Variants in RBMS3 observed in about 807,000 individuals in gnomAD.
RBMS3 encodes the protein RNA-binding motif, single-stranded-interacting protein 3.
RBMS3 carries 27 observed loss-of-function variants against 66.8 expected under a neutral mutation model. That is an observed-to-expected ratio of 0.40 (90% CI 0.30 to 0.56). The LOEUF (loss-of-function observed/expected upper bound fraction) is 0.56. Among genes scored for constraint, RBMS3 ranks in the 20% least tolerant of loss-of-function variants. RBMS3 has a pLI of 0.40. For missense variants in RBMS3, 513 were observed against 549.5 expected, an observed-to-expected ratio of 0.93 and a Z score of 0.66; for synonymous variants, 188 against 183.0, an observed-to-expected ratio of 1.03 and a Z score of -0.22.
intron 6 of RBMS3, 77 bp downstream of exon 6, chr3:29,763,066 C>A: frequency 9.7e-7 from 1 of 1,026,052 alleles, no homozygotes; most frequent in Non-Finnish European, 1.5e-6. Context: ...CATTGTAAAG[C>A]CCTTGTTGAT....
At chr3:29,907,318 A>G (rs998758227) in intron 10 of RBMS3, among the ~76,000 whole-genome samples, 4 of 152,034 alleles carry the variant, frequency 2.6e-5, no homozygotes, top group Admixed American at 2.6e-4. Flanking sequence ...AAATAATATA[A>G]TTTTCCACCT....
At chr3:29,385,819 C>T (rs1416195456) in intron 1 of RBMS3, among the ~76,000 whole-genome samples, 2 of 152,224 alleles carry the variant, frequency 1.3e-5, no homozygotes, top group African/African-American at 2.4e-5. Flanking sequence ...ATTCCTATCT[C>T]AGGCATCTTA....
chr3:29,513,609 T>G (rs1187998322), intron 3 of RBMS3, among the ~76,000 whole-genome samples: 2 of 152,204 alleles, frequency 1.3e-5, no homozygotes, highest in African/African-American at 4.8e-5. Context: ...ATTCATTAAT[T>G]ACCCTGCCAG....
intron 1 of RBMS3, among the ~76,000 whole-genome samples, chr3:29,329,710 C>T (rs937952840): frequency 6.6e-6 from 1 of 151,508 alleles, no homozygotes; most frequent in Non-Finnish European, 1.5e-5. Context: ...CATATTTAAG[C>T]ACAGTTCTAG....
At chr3:29,417,211 T>C (rs2040515070) in intron 1 of RBMS3, among the ~76,000 whole-genome samples, 1 of 152,088 alleles carries the variant, frequency 6.6e-6, no homozygotes, top group South Asian at 2.1e-4. Context: ...TGTTGAAATT[T>C]CGTTTTTATT....
chr3:29,900,670 T>G lies in RBMS3; in HGVS notation c.939+915T>G, dbSNP rs78288020. ...CTGGGTATGCTCTCTGTGCATTTGT[T>G]TCCTTTTCTGACACTATATACTTAA... On this transcript the variant is annotated intron_variant, in intron 10 of 14. Coordinates refer to ENST00000383767, the MANE Select transcript of RBMS3 (RefSeq NM_001003793.3). Among the ~76,000 whole-genome samples, 1,343 of 151,848 alleles carry G rather than the reference T, an allele frequency of 8.8e-3. 55 individuals are homozygous for G. The highest frequency in any genetic ancestry group is 0.07 in the Admixed American group (1,056 of 15,186).
At chr3:29,677,524 TA>T (rs1378477790) in intron 4 of RBMS3, among the ~76,000 whole-genome samples, 1 of 152,192 alleles carries the variant, frequency 6.6e-6, no homozygotes, top group African/African-American at 2.4e-5. Context: ...TGTTTGGTGT[TA>T]TTTTTTTGAA....
Position 29,946,385 on chromosome 3 carries a change from G to A in RBMS3, c.1098+2131G>A, listed in dbSNP as rs553582225. ...TAAATTGTTTTAATTGATTGTAGTC[G>A]AGATATCTGCTTGACAATTTACAGA... On this transcript the variant is annotated intron_variant, in intron 12 of 14. Transcript: ENST00000383767. Among the ~76,000 whole-genome samples the A allele has an allele frequency of 1.5e-4, 22 of 151,630 alleles. No homozygotes were observed. In the South Asian group the frequency reaches 3.3e-3, roughly 23 times the overall value.
intron 2 of RBMS3, among the ~76,000 whole-genome samples, chr3:29,449,474 A>G (rs1251187416): frequency 6.6e-6 from 1 of 152,240 alleles, no homozygotes; most frequent in African/African-American, 2.4e-5. Flanking sequence ...AAATCTTTCT[A>G]TCACTTACTG....
chr3:29,537,372 T>C (rs2045599564), intron 3 of RBMS3, among the ~76,000 whole-genome samples: 1 of 152,150 alleles, frequency 6.6e-6, no homozygotes, highest in African/African-American at 2.4e-5. Context: ...TCACATCTGC[T>C]CCCTCGTGGC....
chr3:29,391,608 C>A (rs12488536), intron 1 of RBMS3, among the ~76,000 whole-genome samples: 29,817 of 151,944 alleles, frequency 0.2, 3,774 homozygotes, highest in East Asian at 0.56. Flanking sequence ...GTATTCCTAG[C>A]ATGCTATTTA....
intron 3 of RBMS3, among the ~76,000 whole-genome samples, chr3:29,553,037 A>G (rs887008958): frequency 3.3e-5 from 5 of 152,130 alleles, no homozygotes; most frequent in Non-Finnish European, 7.4e-5. Flanking sequence ...AGTGAATAGT[A>G]TCAGCCTCAT....
intron 6 of RBMS3, among the ~76,000 whole-genome samples, chr3:29,803,621 G>A (rs2057455439): frequency 6.6e-6 from 1 of 151,828 alleles, no homozygotes; most frequent in Non-Finnish European, 1.5e-5. Context: ...TTTTATATAT[G>A]TGTAATATAA....
chr3:29,719,826 A>G (rs1353557098), intron 4 of RBMS3, among the ~76,000 whole-genome samples: 2 of 152,088 alleles, frequency 1.3e-5, no homozygotes, highest in African/African-American at 4.8e-5. Context: ...CTTTATAACT[A>G]TCTTCACTAA....
intron 4 of RBMS3, among the ~76,000 whole-genome samples, chr3:29,681,177 A>G (rs1341090352): frequency 6.6e-6 from 1 of 152,224 alleles, no homozygotes. Context: ...TATATCCTGC[A>G]CTTACTGAAT....
intron 1 of RBMS3, among the ~76,000 whole-genome samples, chr3:29,338,042 T>C (rs73058229): frequency 0.091 from 13,893 of 152,198 alleles, 774 homozygotes; most frequent in Non-Finnish European, 0.12. Context: ...GGCTCAACAG[T>C]ATCAAGTGAC....
chr3:29,748,073 C>A (rs985254342), intron 5 of RBMS3, among the ~76,000 whole-genome samples: 1 of 151,992 alleles, frequency 6.6e-6, no homozygotes, highest in Admixed American at 6.6e-5. Context: ...GAGTATGGGG[C>A]AATAGGAAGC....
At chr3:29,327,857 C>A (rs1286559855) in intron 1 of RBMS3, among the ~76,000 whole-genome samples, 1 of 152,142 alleles carries the variant, frequency 6.6e-6, no homozygotes, top group Non-Finnish European at 1.5e-5. Flanking sequence ...AAGATTAACA[C>A]CAAGGAGCTA....
chr3:29,529,399 GA>G (rs199695009), intron 3 of RBMS3, among the ~76,000 whole-genome samples: 1 of 151,162 alleles, frequency 6.6e-6, no homozygotes, highest in African/African-American at 2.4e-5. Context: ...CAGAAAGAAG[GA>G]AAAAAAACAG....
Sources: allele counts gnomAD v4.1 joint callset (sites outside exome capture counted in the v4.1 genomes callset), GRCh38; gene constraint gnomAD v4.1.1; transcripts MANE v1.5; gene names NCBI Gene and HGNC (gene_info 2026-07-23, HGNC 2026-07-21).